Variants in CAMK2B observed in about 807,000 individuals in gnomAD.
The protein encoded by CAMK2B is calcium/calmodulin dependent protein kinase II beta.
Under a neutral mutation model 93.7 loss-of-function variants are expected in CAMK2B, and 27 were observed. That is an observed-to-expected ratio of 0.29 (90% CI 0.21 to 0.40). The LOEUF (loss-of-function observed/expected upper bound fraction) is 0.40. Among genes scored for constraint, CAMK2B ranks in the 10% least tolerant of loss-of-function variants. The pLI, the probability that CAMK2B is intolerant of heterozygous loss-of-function variation, is 1.00. For synonymous variants in CAMK2B, 374 were observed against 358.8 expected (o/e 1.04, Z -0.48); for missense variants, 568 against 895.8 (o/e 0.63, Z 4.67).
At chr7:44,296,148 T>C (rs1220775044) in intron 1 of CAMK2B, among the ~76,000 whole-genome samples, 1 of 152,184 alleles carries the variant, frequency 6.6e-6, no homozygotes, top group East Asian at 1.9e-4. Flanking sequence ...ATGGCATGGC[T>C]TTTGGGAACT....
At chr7:44,314,856 T>C (rs1794463526) in intron 1 of CAMK2B, among the ~76,000 whole-genome samples, 1 of 152,240 alleles carries the variant, frequency 6.6e-6, no homozygotes, top group African/African-American at 2.4e-5. Context: ...TCTTTTCATG[T>C]GCTGTGGGCT....
chr7:44,221,050 C>G (rs117169961), intron 20 of CAMK2B, 149 bp from the exon 21 acceptor site: 24 of 622,174 alleles, frequency 3.9e-5, no homozygotes, highest in African/African-American at 7.3e-5. Context: ...TCTCCGCCGC[C>G]CCCCCTGCAT....
At chr7:44,250,339 C>T (rs113506185) in intron 5 of CAMK2B, among the ~76,000 whole-genome samples, 2,479 of 152,294 alleles carry the variant, frequency 0.016, 16 homozygotes, top group South Asian at 0.025. Context: ...CTAGGAAGGG[C>T]CGATCCCCTC....
chr7:44,222,610 G>A (rs529410209), intron 20 of CAMK2B, among the ~76,000 whole-genome samples: 1 of 152,148 alleles, frequency 6.6e-6, no homozygotes, highest in Admixed American at 6.5e-5. Flanking sequence ...TAATTTTTGT[G>A]TGTGTATATT....
In CAMK2B at chr7:44,221,332, C is replaced by A. The variant is rs528182550; in HGVS notation, c.1598-431G>T. 1.5e-4 allele frequency among the ~76,000 whole-genome samples: 23 copies of A among 152,332 alleles called. No homozygotes were observed. The South Asian group carries it at 3.7e-3, about 25-fold the overall frequency. ...CCCTGCAGCTTCCCGGCCCCACTCT[C>A]CTCCCGAGCCTTGGGTTCTTAGTGC... On this transcript the variant is annotated intron_variant, in intron 20 of 23. Transcript: ENST00000395749.
chr7:44,290,937 G>T lies in CAMK2B; in HGVS notation c.66-6712C>A, dbSNP rs182622823. Among the ~76,000 whole-genome samples, 6 of 152,268 alleles carry T rather than the reference G, an allele frequency of 3.9e-5. No homozygotes were observed. The East Asian group carries it at 1.2e-3, about 29-fold the overall frequency. On this transcript the variant is annotated intron_variant, in intron 1 of 23. Coordinates refer to ENST00000395749, the MANE Select transcript of CAMK2B (RefSeq NM_001220.5). ...AAGAGGGTCTACAGAATGCGTTGAC[G>T]TTGCCTCCATAACCCACAACACGGT... is the stretch of plus-strand genomic sequence containing the variant.
At chr7:44,310,961 A>C (rs953975423) in intron 1 of CAMK2B, among the ~76,000 whole-genome samples, 1 of 152,238 alleles carries the variant, frequency 6.6e-6, no homozygotes, top group Admixed American at 6.5e-5. Flanking sequence ...TGTATGTTTT[A>C]CCTTAATAAA....
At chr7:44,267,928 G>C (rs924758921) in intron 2 of CAMK2B, 1 of 152,260 alleles carries the variant, frequency 6.6e-6, no homozygotes, top group African/African-American at 2.4e-5. Flanking sequence ...AGCTTTTCTA[G>C]GTGATTTGGC....
chr7:44,256,501 G>A (rs570261550), intron 4 of CAMK2B, among the ~76,000 whole-genome samples: 23 of 152,342 alleles, frequency 1.5e-4, no homozygotes, highest in East Asian at 5.8e-4. Context: ...TTGTTCATGC[G>A]CACACATGTG....
intron 2 of CAMK2B, among the ~76,000 whole-genome samples, chr7:44,275,068 T>C (rs2097019645): frequency 6.6e-6 from 1 of 152,214 alleles, no homozygotes; most frequent in South Asian, 2.1e-4. Flanking sequence ...CCCCTGACCC[T>C]GCAAGATGAG....
At chr7:44,310,539 C>T (rs1035983718) in intron 1 of CAMK2B, among the ~76,000 whole-genome samples, 1 of 152,186 alleles carries the variant, frequency 6.6e-6, no homozygotes, top group Admixed American at 6.5e-5. Flanking sequence ...TTCATAGCAG[C>T]ATTATTCACA....
chr7:44,310,177 T>C (rs1793156650), intron 1 of CAMK2B, among the ~76,000 whole-genome samples: 1 of 152,264 alleles, frequency 6.6e-6, no homozygotes, highest in African/African-American at 2.4e-5. Context: ...TTTGTTTGGT[T>C]TCAGATCAAT....
chr7:44,267,735 T>C (rs1474028655), intron 2 of CAMK2B, among the ~76,000 whole-genome samples: 1 of 152,174 alleles, frequency 6.6e-6, no homozygotes, highest in South Asian at 2.1e-4. Flanking sequence ...AGCATTCATT[T>C]ATACCCCCAT....
chr7:44,229,520 G>A lies in CAMK2B; in HGVS notation c.1226-19C>T. 1 of 1,313,650 alleles carries A rather than the reference G, an allele frequency of 7.6e-7. No homozygotes were observed. The highest frequency in any genetic ancestry group is 2.0e-4 in the Middle Eastern group (1 of 4,902). 81.4% of individuals were successfully genotyped at this position (1,313,650 alleles called of 1,614,324 possible). A position where few individuals can be genotyped will look rare whatever the true frequency, so the allele number is the denominator to read the frequency against. On this transcript the variant is annotated intron_variant, in intron 17 of 23. Coordinates refer to ENST00000395749, the MANE Select transcript of CAMK2B (RefSeq NM_001220.5). ...CTGGGGGCTGAGGCGGAACAGGTGA[G>A]GCAGGCAGGTGGGTGGTGCGCCCGC...
At chr7:44,307,853 C>T (rs528629154) in intron 1 of CAMK2B, among the ~76,000 whole-genome samples, 60 of 152,218 alleles carry the variant, frequency 3.9e-4, no homozygotes, top group African/African-American at 1.3e-3. Context: ...GTCATCCGTA[C>T]TTCAACTGGG....
chr7:44,301,479 C>T (rs140871156), intron 1 of CAMK2B, among the ~76,000 whole-genome samples: 63 of 152,258 alleles, frequency 4.1e-4, no homozygotes, highest in African/African-American at 1.4e-3. Context: ...CAAGTGCCTA[C>T]ATTTTGAAAA....
chr7:44,244,806 G>A (rs765291674), intron 6 of CAMK2B: 27 of 360,320 alleles, frequency 7.5e-5, no homozygotes, highest in Non-Finnish European at 1.2e-4. Flanking sequence ...CTCCAGCCAC[G>A]CCCTACTGAG....
In CAMK2B at chr7:44,248,910, G is replaced by A. The variant is rs1158353318; in HGVS notation, c.342-1718C>T. On this transcript the variant is annotated intron_variant, in intron 5 of 23. Coordinates refer to ENST00000395749, the MANE Select transcript of CAMK2B (RefSeq NM_001220.5). The surrounding 1 kb of genome is among the most constrained non-coding windows in gnomAD (Gnocchi z 4.1). Reference sequence around the variant, plus strand: ...TGGTGTCACTTCAATGTCACCAAGAGTGGGAGCCACAATCCTATCTCCTTG... The same window carrying A: ...TGGTGTCACTTCAATGTCACCAAGAATGGGAGCCACAATCCTATCTCCTTG... 6.6e-6 allele frequency among the ~76,000 whole-genome samples: 1 copy of A among 152,166 alleles called. No individual in the cohort carries two copies. Among genetic ancestry groups the A allele is most frequent in the Non-Finnish European group, 1.5e-5 (1 of 68,030 alleles).
In CAMK2B at chr7:44,234,674, T is replaced by C; in HGVS notation, c.1024A>G (p.Lys342Glu). The change falls in exon 14 of 24, where the codon AAG (lysine) becomes GAG (glutamate). Residue 342 changes from lysine (K) to glutamate (E), a missense_variant and splice_region_variant. Lys to Glu is a moderately conservative substitution (Grantham distance 56). Coordinates refer to ENST00000395749, the MANE Select transcript of CAMK2B (RefSeq NM_001220.5). ...TCTGCTTTCTTGTTGAGTAAACTCT[T>C]GGCTGCTGCATGGGGAGGAAGAAGG... ...GTTMGLVEQA[K>E]SLLNKKADGV... 6.2e-7 allele frequency: 1 copy of C among 1,614,100 alleles called. No individual in the cohort carries two copies. The highest frequency in any genetic ancestry group is 8.5e-7 in the Non-Finnish European group (1 of 1,179,938).
Sources: allele counts gnomAD v4.1 joint callset (sites outside exome capture counted in the v4.1 genomes callset), GRCh38; gene constraint gnomAD v4.1.1; non-coding constraint Gnocchi (gnomAD v3.1); transcripts MANE v1.5; gene names NCBI Gene and HGNC (gene_info 2026-07-23, HGNC 2026-07-21).